The following SUZ12 variants were observed in gnomAD, a reference collection of about 807,000 sequenced individuals.
SUZ12 encodes the protein polycomb protein SUZ12.
A neutral mutation model predicts 87.3 loss-of-function variants in SUZ12; 17 were observed. That is an observed-to-expected ratio of 0.19 (90% confidence interval 0.13 to 0.29). SUZ12 has a LOEUF of 0.29. Among genes scored for constraint, SUZ12 ranks in the 10% least tolerant of loss-of-function variants. The pLI is 1.00. For synonymous variants in SUZ12, 253 were observed against 312.4 expected (o/e 0.81, Z 2.01); for missense variants, 526 against 912.2 (o/e 0.58, Z 5.45).
chr17:31,974,100 G>A (rs977297470), intron 6 of SUZ12, among the ~76,000 whole-genome samples: 1 of 152,036 alleles, frequency 6.6e-6, no homozygotes, highest in African/African-American at 2.4e-5. Flanking sequence ...GCCTGTGCCT[G>A]TAGTCCCAGC....
intron 4 of SUZ12, among the ~76,000 whole-genome samples, chr17:31,948,808 T>C (rs1395787688): frequency 3.3e-5 from 5 of 152,192 alleles, no homozygotes; most frequent in South Asian, 2.1e-4. Flanking sequence ...GATCCTGAAT[T>C]GTTACCTGTT....
intron 5 of SUZ12, among the ~76,000 whole-genome samples, chr17:31,970,813 A>C (rs984090997): frequency 1.3e-5 from 2 of 152,110 alleles, no homozygotes; most frequent in Non-Finnish European, 2.9e-5. Flanking sequence ...CAAAAAAAAA[A>C]AATAAAGAAA....
chr17:31,994,790 C>T lies in SUZ12; in HGVS notation c.1595+69C>T, dbSNP rs193210144. 4.6e-6 allele frequency: 7 copies of T among 1,510,156 alleles called. No individual in the cohort carries two copies. In the Admixed American group the frequency reaches 1.0e-4, roughly 22 times the overall value. The allele number at this position is 1,510,156 out of a possible 1,614,324, so 93.5% of individuals were successfully genotyped here. A position where few individuals can be genotyped will look rare whatever the true frequency, so the allele number is the denominator to read the frequency against. Reference sequence around the variant, plus strand: ...TACTGATGTTGGAGGAACAAAGGAGCCAGATGAAGCTACTAGTTCGTTAGG... The same window carrying T: ...TACTGATGTTGGAGGAACAAAGGAGTCAGATGAAGCTACTAGTTCGTTAGG... On this transcript the variant is annotated intron_variant, in intron 13 of 15. Coordinates refer to ENST00000322652, the MANE Select transcript of SUZ12 (RefSeq NM_015355.4).
chr17:31,978,337 T>C (rs1383189637), intron 8 of SUZ12, among the ~76,000 whole-genome samples: 1 of 152,134 alleles, frequency 6.6e-6, no homozygotes, highest in African/African-American at 2.4e-5. Context: ...GCCTCCTGAA[T>C]AGCTGGGATT....
At chr17:31,986,699 C>T (rs1249732812) in intron 9 of SUZ12, among the ~76,000 whole-genome samples, 1 of 152,014 alleles carries the variant, frequency 6.6e-6, no homozygotes, top group Non-Finnish European at 1.5e-5. Context: ...TTACAGGCGC[C>T]AGCCACCATG....
At chr17:31,990,252 C>T (rs1380931944) in intron 10 of SUZ12, among the ~76,000 whole-genome samples, 2 of 149,732 alleles carry the variant, frequency 1.3e-5, no homozygotes, top group Admixed American at 6.8e-5. Context: ...AGATTACAGG[C>T]GTGACCCACC....
intron 7 of SUZ12, among the ~76,000 whole-genome samples, chr17:31,976,021 A>T (rs1035965101): frequency 4.6e-5 from 7 of 152,098 alleles, no homozygotes; most frequent in Non-Finnish European, 7.3e-5. Flanking sequence ...TGAGGTATTC[A>T]TTCAACAAAC....
chr17:31,953,905 G>A (rs902016344), intron 4 of SUZ12, among the ~76,000 whole-genome samples: 4 of 151,470 alleles, frequency 2.6e-5, no homozygotes, highest in Non-Finnish European at 5.9e-5. Flanking sequence ...GTAGAGAAGG[G>A]GTTTCACCAT....
intron 10 of SUZ12, among the ~76,000 whole-genome samples, chr17:31,990,980 C>G (rs914266340): frequency 1.3e-5 from 2 of 152,152 alleles, no homozygotes; most frequent in African/African-American, 4.8e-5. Flanking sequence ...CTCCTGAGCT[C>G]AAGCAATCTA....
intron 3 of SUZ12, among the ~76,000 whole-genome samples, chr17:31,942,046 G>A (rs1384910347): frequency 6.6e-6 from 1 of 151,900 alleles, no homozygotes; most frequent in African/African-American, 2.4e-5. Context: ...TAGAGATGGG[G>A]TTTCACTATG....
intron 5 of SUZ12, among the ~76,000 whole-genome samples, chr17:31,971,862 C>T (rs1475180786): frequency 6.6e-6 from 1 of 152,172 alleles, no homozygotes; most frequent in East Asian, 1.9e-4. Flanking sequence ...TGCCTGTAGT[C>T]TCAGCTACTT....
rs568691489 is a variant in SUZ12, at chr17:31,971,603, TA to T, written c.506-1542del. On this transcript the variant is annotated intron_variant, in intron 5 of 15. Transcript: ENST00000322652. ...GCACCACCATGCCTGGCTGATGTTG[TA>T]TTTTTAGTAGAGACGGGGTTTCTCC... Among the ~76,000 whole-genome samples, 1,056 of 151,970 alleles carry T rather than the reference TA, an allele frequency of 6.9e-3. 12 individuals carry two copies. The highest frequency in any genetic ancestry group is 9.5e-3 in the Non-Finnish European group (644 of 67,928).
intron 5 of SUZ12, among the ~76,000 whole-genome samples, chr17:31,969,447 C>T (rs181061629): frequency 2.8e-3 from 420 of 151,500 alleles, no homozygotes; most frequent in African/African-American, 9.5e-3. Flanking sequence ...CCACCGAGCC[C>T]AGCCCCTAAT....
intron 3 of SUZ12, among the ~76,000 whole-genome samples, chr17:31,945,472 A>T (rs1190347357): frequency 6.6e-6 from 1 of 152,112 alleles, no homozygotes; most frequent in Non-Finnish European, 1.5e-5. Flanking sequence ...TATTGAATCC[A>T]TTTTGCTAGA....
intron 10 of SUZ12, among the ~76,000 whole-genome samples, chr17:31,992,123 C>G (rs1007302506): frequency 2.6e-5 from 4 of 151,616 alleles, no homozygotes; most frequent in Non-Finnish European, 5.9e-5. Context: ...GAAACCCTGT[C>G]TCTACTAAAA....
intron 9 of SUZ12, among the ~76,000 whole-genome samples, chr17:31,987,794 T>C (rs1909493051): frequency 6.6e-6 from 1 of 151,966 alleles, no homozygotes; most frequent in Non-Finnish European, 1.5e-5. Flanking sequence ...AAAAATTAGC[T>C]GGGCGTGACG....
At chr17:31,996,137 G>A (rs1288316052) in intron 14 of SUZ12, among the ~76,000 whole-genome samples, 1 of 152,170 alleles carries the variant, frequency 6.6e-6, no homozygotes, top group Non-Finnish European at 1.5e-5. Flanking sequence ...TTAACCCCAG[G>A]AGATGGAGGT....
At chr17:31,962,266 T>G (rs1907771620) in intron 4 of SUZ12, among the ~76,000 whole-genome samples, 1 of 151,776 alleles carries the variant, frequency 6.6e-6, no homozygotes. Flanking sequence ...CGAGACCCTG[T>G]CTCTAAAAGA....
intron 4 of SUZ12, among the ~76,000 whole-genome samples, chr17:31,961,936 T>C (rs768381723): frequency 2.4e-4 from 37 of 152,176 alleles, no homozygotes; most frequent in Non-Finnish European, 4.7e-4. Flanking sequence ...CATTATCTTA[T>C]GAAAAAAATT....
Sources: gnomAD v4.1 joint callset for allele counts (sites outside exome capture counted in the v4.1 genomes callset) on GRCh38, gnomAD v4.1.1 for gene constraint, MANE v1.5 for transcripts, NCBI Gene and HGNC (gene_info 2026-07-23, HGNC 2026-07-21) for gene names.